Variants in C12orf42 observed in about 807,000 individuals in gnomAD.
C12orf42 encodes the protein chromosome 12 open reading frame 42.
C12orf42 carries 25 observed loss-of-function variants against 21.6 expected under a neutral mutation model. That is an observed-to-expected ratio of 1.16 (90% CI 0.84 to 1.62). The LOEUF is 1.62. Among genes scored for constraint, C12orf42 ranks in the 40% most tolerant of loss-of-function variants. The pLI, the probability that C12orf42 is intolerant of heterozygous loss-of-function variation, is 0.00. For missense variants in C12orf42, 483 were observed against 459.3 expected (o/e 1.05, Z -0.47); for synonymous variants, 174 against 175.0 (o/e 0.99, Z 0.05).
chr12:103,438,972 A>T (rs536379415), intron 2 of C12orf42, among the ~76,000 whole-genome samples: 33 of 152,346 alleles, frequency 2.2e-4, no homozygotes, highest in Admixed American at 2.0e-3. Context: ...GCAAAAGAAC[A>T]AAGCTGGAGG....
chr12:103,221,280 G>C, the C12orf42 span, among the ~76,000 whole-genome samples: 26 of 151,806 alleles, frequency 1.7e-4, no homozygotes, highest in Non-Finnish European at 3.5e-4. Flanking sequence ...GTTATATTTT[G>C]GTCAACTCCC....
chr12:103,096,264 T>C, the C12orf42 span, among the ~76,000 whole-genome samples: 1 of 152,186 alleles, frequency 6.6e-6, no homozygotes, highest in Admixed American at 6.5e-5. Context: ...AAGCACACAT[T>C]TTTTGTTAGT....
the C12orf42 span, among the ~76,000 whole-genome samples, chr12:103,225,941 C>A: frequency 6.6e-6 from 1 of 152,208 alleles, no homozygotes; most frequent in Admixed American, 6.5e-5. Flanking sequence ...CAGTGTCTGT[C>A]TTCAGCCGCT....
intron 10 of C12orf42, among the ~76,000 whole-genome samples, chr12:103,254,228 T>C (rs1463708265): frequency 1.3e-5 from 2 of 152,194 alleles, no homozygotes; most frequent in Non-Finnish European, 2.9e-5. Context: ...ATTTATTAAA[T>C]AGGGGATCCT....
At chr12:103,397,469 T>C (rs1365508563) in intron 3 of C12orf42, among the ~76,000 whole-genome samples, 1 of 152,150 alleles carries the variant, frequency 6.6e-6, no homozygotes, top group Non-Finnish European at 1.5e-5. Flanking sequence ...TCGAACCCTA[T>C]TGTGAACTGT....
intron 1 of C12orf42, among the ~76,000 whole-genome samples, chr12:103,484,506 G>A (rs931771005): frequency 6.6e-6 from 1 of 151,766 alleles, no homozygotes; most frequent in African/African-American, 2.4e-5. Context: ...TTTCAATGGG[G>A]TTGTTTTTTT....
chr12:103,220,627 A>C, the C12orf42 span, among the ~76,000 whole-genome samples: 1 of 152,178 alleles, frequency 6.6e-6, no homozygotes, highest in Non-Finnish European at 1.5e-5. Context: ...GAATAATTTA[A>C]AGAGAGACAA....
chr12:103,118,889 T>C, the C12orf42 span, among the ~76,000 whole-genome samples: 1 of 152,108 alleles, frequency 6.6e-6, no homozygotes, highest in African/African-American at 2.4e-5. Context: ...ATTTCTGTGA[T>C]TTAAATGCAC....
intron 4 of C12orf42, among the ~76,000 whole-genome samples, chr12:103,356,647 TA>T (rs535484819): frequency 6.6e-6 from 1 of 151,706 alleles, no homozygotes; most frequent in Non-Finnish European, 1.5e-5. Flanking sequence ...ACCAACAGTG[TA>T]AAAGTGTTCC....
chr12:103,222,466 A>G, the C12orf42 span, among the ~76,000 whole-genome samples: 1 of 152,140 alleles, frequency 6.6e-6, no homozygotes, highest in African/African-American at 2.4e-5. Context: ...GGCAGGGCAT[A>G]TTCACTTCTT....
the C12orf42 span, among the ~76,000 whole-genome samples, chr12:103,109,933 A>T: frequency 1.3e-5 from 2 of 152,196 alleles, no homozygotes; most frequent in Non-Finnish European, 2.9e-5. Context: ...ATATCAAAAA[A>T]CGTCAATAGT....
chr12:103,165,234 C>A, the C12orf42 span, among the ~76,000 whole-genome samples: 1 of 152,232 alleles, frequency 6.6e-6, no homozygotes, highest in Admixed American at 6.5e-5. Context: ...CCAATTAGAA[C>A]TAAGCAAGTT....
chr12:103,249,657 G>A (rs1239204047), intron 10 of C12orf42, among the ~76,000 whole-genome samples: 1 of 151,980 alleles, frequency 6.6e-6, no homozygotes, highest in East Asian at 1.9e-4. Context: ...CTCACAAGAG[G>A]CCGCTGAACA....
At chr12:103,251,956 A>C (rs964048480) in intron 10 of C12orf42, among the ~76,000 whole-genome samples, 16 of 152,094 alleles carry the variant, frequency 1.1e-4, no homozygotes, top group African/African-American at 3.9e-4. Context: ...TAAACAATTT[A>C]TTTTATTTTA....
chr12:103,073,726 A>C, the C12orf42 span, among the ~76,000 whole-genome samples: 1 of 152,156 alleles, frequency 6.6e-6, no homozygotes, highest in Non-Finnish European at 1.5e-5. Context: ...ATAAAAAAAT[A>C]AGCAAGAAAA....
chr12:103,473,822 G>T (rs1953816171), intron 2 of C12orf42, among the ~76,000 whole-genome samples: 1 of 152,116 alleles, frequency 6.6e-6, no homozygotes, highest in South Asian at 2.1e-4. Flanking sequence ...CTTTCCCCAT[G>T]CCTCAACCCA....
chr12:103,428,105 G>GACAAGA (rs1949985930), intron 2 of C12orf42, among the ~76,000 whole-genome samples: 1 of 150,422 alleles, frequency 6.6e-6, no homozygotes, highest in Non-Finnish European at 1.5e-5. Flanking sequence ...GCTAGAAGAA[G>GACAAGA]AATAACTAAG....
At chr12:103,451,083 C>T (rs1295162820) in intron 2 of C12orf42, among the ~76,000 whole-genome samples, 1 of 152,098 alleles carries the variant, frequency 6.6e-6, no homozygotes, top group Non-Finnish European at 1.5e-5. Flanking sequence ...TGCTGTAGGA[C>T]ACCGCAATGC....
At chr12:103,385,086 C>T (rs1297800105) in intron 3 of C12orf42, among the ~76,000 whole-genome samples, 2 of 152,186 alleles carry the variant, frequency 1.3e-5, no homozygotes, top group African/African-American at 4.8e-5. Flanking sequence ...GAACTGCATA[C>T]AGTTTGTCCC....
Sources: allele counts gnomAD v4.1 joint callset (sites outside exome capture counted in the v4.1 genomes callset), GRCh38; gene constraint gnomAD v4.1.1; transcripts MANE v1.5; gene names NCBI Gene and HGNC (gene_info 2026-07-23, HGNC 2026-07-21).